Variants in GPD2 observed in about 807,000 individuals in gnomAD.
The protein encoded by GPD2 is glycerol-3-phosphate dehydrogenase, mitochondrial.
Under a neutral mutation model 82.4 loss-of-function variants are expected in GPD2, and 54 were observed. The ratio of observed to expected loss-of-function variants is 0.66; its 90% CI spans 0.53 to 0.82. The LOEUF (loss-of-function observed/expected upper bound fraction) is 0.82, where lower values mean the gene tolerates loss of function less well. Ranked by LOEUF, GPD2 falls within the 40% of genes least tolerant of loss-of-function variation. The pLI, the probability that GPD2 is intolerant of heterozygous loss-of-function variation, is 0.00. For synonymous variants in GPD2, 288 were observed against 306.1 expected (o/e 0.94, Z 0.62); for missense variants, 748 against 896.2 (o/e 0.83, Z 2.11).
intron 1 of GPD2, among the ~76,000 whole-genome samples, chr2:156,447,493 C>T (rs1383172381): frequency 6.6e-6 from 1 of 151,968 alleles, no homozygotes; most frequent in Non-Finnish European, 1.5e-5. Context: ...GGCCATCATA[C>T]CTGATTGATT....
At chr2:156,531,856 G>A (rs568861751) in intron 6 of GPD2, among the ~76,000 whole-genome samples, 42 of 152,302 alleles carry the variant, frequency 2.8e-4, no homozygotes, top group Admixed American at 9.2e-4. Context: ...AGCAATGCCT[G>A]GAGCCCACTT....
intron 1 of GPD2, among the ~76,000 whole-genome samples, chr2:156,459,686 CAAAAAAA>C (rs564494059): frequency 7.7e-4 from 30 of 38,776 alleles, no homozygotes; most frequent in African/African-American, 2.7e-3. Context: ...GACTCCGTCT[CAAAAAAA>C]AAAAAAAAAA....
intron 1 of GPD2, among the ~76,000 whole-genome samples, chr2:156,473,813 G>A (rs1683413435): frequency 6.6e-6 from 1 of 152,118 alleles, no homozygotes; most frequent in Admixed American, 6.5e-5. Context: ...TATGACAAAT[G>A]GGTACCTGCT....
chr2:156,537,155 A>T (rs528544651), intron 6 of GPD2, among the ~76,000 whole-genome samples: 24 of 152,286 alleles, frequency 1.6e-4, no homozygotes, highest in African/African-American at 5.3e-4. Flanking sequence ...TTCCTTAAAG[A>T]CAGATAACAG....
At chr2:156,446,104 C>CT (rs1682359464) in intron 1 of GPD2, among the ~76,000 whole-genome samples, 2 of 99,500 alleles carry the variant, frequency 2.0e-5, no homozygotes, top group South Asian at 9.3e-4. Context: ...TAAACACACA[C>CT]TTATTTTTTT....
At chr2:156,549,274 C>G (rs753986314) in intron 6 of GPD2, among the ~76,000 whole-genome samples, 164 of 152,196 alleles carry the variant, frequency 1.1e-3, no homozygotes, top group Non-Finnish European at 3.7e-4. Flanking sequence ...TACGATTTGT[C>G]TGTATTAGGA....
intron 1 of GPD2, among the ~76,000 whole-genome samples, chr2:156,458,348 G>C (rs1682858940): frequency 6.6e-6 from 1 of 152,210 alleles, no homozygotes; most frequent in South Asian, 2.1e-4. Flanking sequence ...AGGTTGATCA[G>C]CTTTGCAGTT....
intron 9 of GPD2, among the ~76,000 whole-genome samples, chr2:156,561,869 C>T (rs1478953811): frequency 6.6e-6 from 1 of 152,144 alleles, no homozygotes; most frequent in Non-Finnish European, 1.5e-5. Context: ...CTGCAAAATG[C>T]GTCGGAACAA....
At position 156,496,023 on chromosome 2, in the gene GPD2, A is replaced by G. The variant is rs770019110; in HGVS notation, c.103-21A>G. ...TTGACATTCCAAATGGACAACTGAAAGTGATCTGCTTTTACATCAGATGAA... is the reference window on the plus strand; with the variant it reads ...TTGACATTCCAAATGGACAACTGAAGGTGATCTGCTTTTACATCAGATGAA... On this transcript the variant is annotated intron_variant, in intron 2 of 16. Coordinates refer to ENST00000438166, the MANE Select transcript of GPD2 (RefSeq NM_000408.5). 3 of 1,597,328 alleles carry G rather than the reference A, an allele frequency of 1.9e-6. No individual in the cohort carries two copies. The South Asian group carries it at 3.3e-5, about 18-fold the overall frequency.
the GPD2 span, among the ~76,000 whole-genome samples, chr2:156,406,351 C>T: frequency 6.6e-6 from 1 of 152,192 alleles, no homozygotes; most frequent in South Asian, 2.1e-4. Context: ...TCATCCTGCT[C>T]ACGATATGCT....
intron 6 of GPD2, among the ~76,000 whole-genome samples, chr2:156,516,925 A>G (rs1685220438): frequency 6.6e-6 from 1 of 152,260 alleles, no homozygotes; most frequent in South Asian, 2.1e-4. Context: ...TCTGTAAGGT[A>G]TCTTCAACGC....
At chr2:156,536,477 G>C (rs577065075) in intron 6 of GPD2, among the ~76,000 whole-genome samples, 1 of 152,218 alleles carries the variant, frequency 6.6e-6, no homozygotes, top group African/African-American at 2.4e-5. Flanking sequence ...CCTCAGCTAC[G>C]ATATTGATTG....
intron 9 of GPD2, among the ~76,000 whole-genome samples, chr2:156,559,008 G>T (rs775275341): frequency 7.2e-5 from 11 of 151,808 alleles, no homozygotes; most frequent in Non-Finnish European, 1.2e-4. Flanking sequence ...TCTTATTAGG[G>T]TGAATATTGT....
At chr2:156,410,184 G>C in the GPD2 span, among the ~76,000 whole-genome samples, 1 of 152,126 alleles carries the variant, frequency 6.6e-6, no homozygotes, top group Non-Finnish European at 1.5e-5. Context: ...AAAGTTTAAG[G>C]GCAGCACGTC....
rs1686369212 is a variant in GPD2, at chr2:156,542,735, T to C, written c.662-6873T>C. ...TGTAAGTGGTCTTTCTGTTAGAACT[T>C]AATTGCCTCCTTTATGAATTTTCTC... On this transcript the variant is annotated intron_variant, in intron 6 of 16. Transcript: ENST00000438166. 2.6e-5 allele frequency among the ~76,000 whole-genome samples: 4 copies of C among 152,206 alleles called. No homozygotes were observed. In the South Asian group the frequency reaches 8.3e-4, roughly 32 times the overall value.
At chr2:156,554,976 A>G (rs763961749) in intron 8 of GPD2, among the ~76,000 whole-genome samples, 21 of 152,360 alleles carry the variant, frequency 1.4e-4, no homozygotes, top group Middle Eastern at 3.4e-3. Flanking sequence ...CCTGATGTCA[A>G]ATGAATCATA....
chr2:156,564,061 A>T (rs1300788588), intron 9 of GPD2, among the ~76,000 whole-genome samples: 2 of 152,176 alleles, frequency 1.3e-5, no homozygotes, highest in Middle Eastern at 3.4e-3. Context: ...TTAAATATAC[A>T]CTTAGAGAAA....
chr2:156,547,992 C>T (rs905969736), intron 6 of GPD2, among the ~76,000 whole-genome samples: 13 of 152,296 alleles, frequency 8.5e-5, no homozygotes, highest in Non-Finnish European at 1.8e-4. Context: ...TAAGAGCAAG[C>T]ATGACTTGGA....
At chr2:156,552,600 T>C (rs1336638939) in intron 8 of GPD2, among the ~76,000 whole-genome samples, 4 of 152,256 alleles carry the variant, frequency 2.6e-5, no homozygotes, top group African/African-American at 7.2e-5. Context: ...CCTTATGTTT[T>C]CTTCACTATC....
Sources: allele counts gnomAD v4.1 joint callset (sites outside exome capture counted in the v4.1 genomes callset), GRCh38; gene constraint gnomAD v4.1.1; transcripts MANE v1.5; gene names NCBI Gene and HGNC (gene_info 2026-07-23, HGNC 2026-07-21).